The following HSD17B12 variants were observed in gnomAD, a reference collection of about 807,000 sequenced individuals.
HSD17B12 encodes the protein very-long-chain 3-oxoacyl-CoA reductase.
Under a neutral mutation model 39.3 loss-of-function variants are expected in HSD17B12, and 32 were observed. The ratio of observed to expected loss-of-function variants is 0.81; its 90% CI spans 0.61 to 1.09. The LOEUF (loss-of-function observed/expected upper bound fraction) is 1.09. Among genes scored for constraint, HSD17B12 ranks in the 50% least tolerant of loss-of-function variants. The pLI is 0.00. For synonymous variants in HSD17B12, 150 were observed against 146.7 expected (o/e 1.02, Z -0.16); for missense variants, 342 against 382.9 (o/e 0.89, Z 0.89).
chr11:43,668,419 C>A, the HSD17B12 span, among the ~76,000 whole-genome samples: 3 of 152,136 alleles, frequency 2.0e-5, no homozygotes, highest in Non-Finnish European at 4.4e-5. Context: ...TTAGATTAGG[C>A]TCATCTGGGT....
chr11:43,712,855 T>C (rs1950082045), intron 1 of HSD17B12, among the ~76,000 whole-genome samples: 1 of 152,200 alleles, frequency 6.6e-6, no homozygotes, highest in Non-Finnish European at 1.5e-5. Context: ...CATTGGAGTA[T>C]TAGTCATTGC....
intron 3 of HSD17B12, among the ~76,000 whole-genome samples, chr11:43,759,716 C>A (rs756035312): frequency 6.6e-6 from 1 of 151,676 alleles, no homozygotes; most frequent in Non-Finnish European, 1.5e-5. Flanking sequence ...CTTCTCTTTT[C>A]GTTTCATTTC....
chr11:43,720,907 A>C (rs1011785520), intron 1 of HSD17B12, among the ~76,000 whole-genome samples: 1 of 152,148 alleles, frequency 6.6e-6, no homozygotes, highest in Non-Finnish European at 1.5e-5. Flanking sequence ...AGAAGGTTAT[A>C]TATCAGGTCT....
At chr11:43,793,596 G>A (rs1476899082) in intron 3 of HSD17B12, among the ~76,000 whole-genome samples, 2 of 152,170 alleles carry the variant, frequency 1.3e-5, no homozygotes, top group African/African-American at 4.8e-5. Context: ...TGGAAGTATG[G>A]TAAACATAAA....
chr11:43,762,387 C>G (rs961197667), intron 3 of HSD17B12, among the ~76,000 whole-genome samples: 1 of 152,148 alleles, frequency 6.6e-6, no homozygotes, highest in African/African-American at 2.4e-5. Context: ...GAGCAGGAAG[C>G]CTGACTTACA....
At chr11:43,816,594 A>ATTTATT (rs1951125424) in intron 6 of HSD17B12, among the ~76,000 whole-genome samples, 1 of 151,892 alleles carries the variant, frequency 6.6e-6, no homozygotes, top group African/African-American at 2.4e-5. Context: ...TTGACTTTTC[A>ATTTATT]TTTATTTTTA....
intron 4 of HSD17B12, among the ~76,000 whole-genome samples, chr11:43,814,665 A>G (rs560972688): frequency 3.3e-5 from 5 of 152,220 alleles, no homozygotes; most frequent in Non-Finnish European, 5.9e-5. Flanking sequence ...GAAAATTAAG[A>G]TATGACCTCA....
chr11:43,820,638 TCAGAAAAGGC>T (rs556018589), intron 6 of HSD17B12, among the ~76,000 whole-genome samples: 190 of 152,296 alleles, frequency 1.2e-3, no homozygotes, highest in Non-Finnish European at 1.9e-3. Flanking sequence ...AATGAATTTC[TCAGAAAAGGC>T]CTGTATAAGG....
the HSD17B12 span, among the ~76,000 whole-genome samples, chr11:43,659,692 A>T: frequency 6.6e-6 from 1 of 152,246 alleles, no homozygotes; most frequent in Non-Finnish European, 1.5e-5. Flanking sequence ...AAGGAAGAAA[A>T]TATTTGCAAG....
the HSD17B12 span, among the ~76,000 whole-genome samples, chr11:43,562,320 T>C: frequency 6.6e-6 from 1 of 152,250 alleles, no homozygotes; most frequent in African/African-American, 2.4e-5. Flanking sequence ...ACAGTGTAAC[T>C]GTGGATAGTT....
intron 3 of HSD17B12, among the ~76,000 whole-genome samples, chr11:43,773,108 C>G (rs1259209498): frequency 6.6e-6 from 1 of 151,628 alleles, no homozygotes; most frequent in Non-Finnish European, 1.5e-5. Context: ...GACCCTGTCT[C>G]AAAACAAAAA....
the HSD17B12 span, among the ~76,000 whole-genome samples, chr11:43,657,691 G>A: frequency 6.6e-6 from 1 of 152,104 alleles, no homozygotes; most frequent in African/African-American, 2.4e-5. Flanking sequence ...GAAATTCTGG[G>A]TTGAAAATTC....
the HSD17B12 span, among the ~76,000 whole-genome samples, chr11:43,647,095 T>C: frequency 6.6e-6 from 1 of 152,126 alleles, no homozygotes; most frequent in Non-Finnish European, 1.5e-5. Flanking sequence ...AAAAAAGAAA[T>C]GGAAACTTGT....
Position 43,801,087 on chromosome 11 carries a change from C to T in HSD17B12, c.391+2660C>T, listed in dbSNP as rs147415292. On this transcript the variant is annotated intron_variant, in intron 4 of 10. Coordinates refer to ENST00000278353, the MANE Select transcript of HSD17B12 (RefSeq NM_016142.3). ...CTGGGAGACAGAGGTTGCAGTGAGC[C>T]GAGATTGCACCATTACACTCCAGCC... 3.9e-3 allele frequency among the ~76,000 whole-genome samples: 597 copies of T among 151,360 alleles called. 6 individuals carry two copies. In the East Asian group the frequency reaches 0.045, roughly 11 times the overall value.
At chr11:43,568,420 T>A in the HSD17B12 span, among the ~76,000 whole-genome samples, 2 of 152,056 alleles carry the variant, frequency 1.3e-5, no homozygotes, top group Non-Finnish European at 2.9e-5. Flanking sequence ...TGTTTGTTTT[T>A]TTTTTAATTC....
chr11:43,758,585 CAT>C (rs1468932805), intron 3 of HSD17B12, among the ~76,000 whole-genome samples: 6 of 152,296 alleles, frequency 3.9e-5, no homozygotes, highest in African/African-American at 1.4e-4. Flanking sequence ...GGCTATAAAA[CAT>C]AAAACTTTTT....
At chr11:43,788,803 A>T (rs567695809) in intron 3 of HSD17B12, among the ~76,000 whole-genome samples, 1 of 152,218 alleles carries the variant, frequency 6.6e-6, no homozygotes, top group Non-Finnish European at 1.5e-5. Context: ...GACCAATTCC[A>T]TAGGCCTGTG....
Position 43,754,957 on chromosome 11 carries a change from C to T in HSD17B12, c.283+836C>T. 4.2e-6 allele frequency: 3 copies of T among 719,324 alleles called. No individual in the cohort carries two copies. In the East Asian group the frequency reaches 7.7e-5, roughly 18 times the overall value. 44.6% of individuals were successfully genotyped at this position (719,324 alleles called of 1,614,324 possible). On this transcript the variant is annotated intron_variant, in intron 3 of 10. Coordinates refer to ENST00000278353, the MANE Select transcript of HSD17B12 (RefSeq NM_016142.3). ...AATCAACCAGATGGATAAACCAATGCTGTTCATTTGTTTGGTAAAACATAC... is the reference window on the plus strand; with the variant it reads ...AATCAACCAGATGGATAAACCAATGTTGTTCATTTGTTTGGTAAAACATAC...
chr11:43,737,846 G>A (rs1268438448), intron 1 of HSD17B12, among the ~76,000 whole-genome samples: 4 of 152,138 alleles, frequency 2.6e-5, no homozygotes, highest in African/African-American at 9.7e-5. Flanking sequence ...GGCCGAGGCA[G>A]GTGGATCACG....
Sources: allele counts gnomAD v4.1 joint callset (sites outside exome capture counted in the v4.1 genomes callset), GRCh38; gene constraint gnomAD v4.1.1; transcripts MANE v1.5; gene names NCBI Gene and HGNC (gene_info 2026-07-23, HGNC 2026-07-21).